SDK2: variants seen among roughly 807,000 people sequenced by gnomAD.
The protein encoded by SDK2 is protein sidekick-2.
Under a neutral mutation model 253.9 loss-of-function variants are expected in SDK2, and 105 were observed. The observed-to-expected ratio is 0.41, with a 90% CI of 0.35 to 0.49. The LOEUF is 0.49. Ranked by LOEUF, SDK2 falls within the 20% of genes least tolerant of loss-of-function variation. The pLI, the probability that SDK2 is intolerant of heterozygous loss-of-function variation, is 0.06. For missense variants in SDK2, 2,608 were observed against 3,003.0 expected, an observed-to-expected ratio of 0.87 and a Z score of 3.07; for synonymous variants, 1,249 against 1,234.9, an observed-to-expected ratio of 1.01 and a Z score of -0.24.
Position 73,472,191 on chromosome 17 carries a change from G to C in SDK2, c.252C>G (p.Thr84=), listed in dbSNP as rs747733284. 7.1e-6 allele frequency: 11 copies of C among 1,551,592 alleles called. No individual in the cohort carries two copies. The highest frequency in any genetic ancestry group is 9.6e-6 in the Non-Finnish European group (11 of 1,147,006). Residue 84 remains threonine, a synonymous_variant, in exon 3 of 45, where the codon ACC becomes ACG. Coordinates refer to ENST00000392650, the MANE Select transcript of SDK2 (RefSeq NM_001144952.2). Reference sequence around the variant, plus strand: ...CGATGCAACGGTAAAAGCCAGCGTGGGTGCGGTCCAGGCTGGTGATCATGT... The same window carrying C: ...CGATGCAACGGTAAAAGCCAGCGTGCGTGCGGTCCAGGCTGGTGATCATGT... ...YRYMITSLDR[T]HAGFYRCIVR...
In SDK2 at chr17:73,577,149, TC is replaced by T. The variant is rs1475913873; in HGVS notation, c.64+66875del. On this transcript the variant is annotated intron_variant, in intron 1 of 44. Transcript: ENST00000392650. The stretch of plus-strand genomic sequence containing the variant: ...TTGGAATGACTGTCCTGGAAGCAGA[TC>T]CTTGGACCTGAAATCCGGGTCCAGA... 3.3e-5 allele frequency among the ~76,000 whole-genome samples: 5 copies of T among 152,258 alleles called. 1 individual carries two copies. The highest frequency in any genetic ancestry group is 1.2e-4 in the African/African-American group (5 of 41,542).
Position 73,430,573 on chromosome 17 carries a change from G to A in SDK2, c.1521C>T (p.Val507=). 3.8e-6 allele frequency: 6 copies of A among 1,596,236 alleles called. No homozygotes were observed. Among genetic ancestry groups the A allele is most frequent in the Non-Finnish European group, 5.1e-6 (6 of 1,171,094 alleles). ...RITKPPQDQS[V]IKGTQASMVC... ...CCATGGAGGCCTGGGTGCCCTTGAT[G>A]ACACTCTGATCCTGGGGGGGCTTGG... Residue 507 remains valine (V), a synonymous_variant, in exon 12 of 45, where the codon GTC becomes GTT. Coordinates refer to ENST00000392650, the MANE Select transcript of SDK2 (RefSeq NM_001144952.2).
In SDK2 at chr17:73,365,356, G is replaced by A; in HGVS notation, c.5207C>T (p.Thr1736Ile). 1 of 1,612,468 alleles carries A rather than the reference G, an allele frequency of 6.2e-7. No homozygotes were observed. The highest frequency in any genetic ancestry group is 8.5e-7 in the Non-Finnish European group (1 of 1,179,288). ...CCAGGACACATTCACTGAGGTTGTG[G>A]TCAGCTCACTGAACTTGACCGAGCT... is the stretch of plus-strand genomic sequence containing the variant. ...APSSVKFSELTTTSVNVSWEA... is the reference protein window; with the variant it reads ...APSSVKFSELITTSVNVSWEA... Residue 1736 changes from threonine (T) to isoleucine (I), a missense_variant, in exon 38 of 45, where the codon ACC becomes ATC. Transcript: ENST00000392650.
intron 1 of SDK2, among the ~76,000 whole-genome samples, chr17:73,574,787 T>A (rs888195634): frequency 1.3e-5 from 2 of 152,236 alleles, no homozygotes; most frequent in African/African-American, 2.4e-5. Flanking sequence ...ATGCTCCTGG[T>A]AATAATGACC....
chr17:73,539,271 G>A (rs2044827437), intron 1 of SDK2, among the ~76,000 whole-genome samples: 1 of 152,068 alleles, frequency 6.6e-6, no homozygotes, highest in African/African-American at 2.4e-5. Context: ...CCCTTAAAGT[G>A]AAAAAACAAC....
intron 5 of SDK2, among the ~76,000 whole-genome samples, chr17:73,446,358 A>G (rs1160346422): frequency 6.6e-6 from 1 of 152,220 alleles, no homozygotes; most frequent in East Asian, 1.9e-4. Context: ...TTACACCCTC[A>G]ACCCTGACGG....
chr17:73,484,454 G>C (rs2063757780), intron 2 of SDK2, among the ~76,000 whole-genome samples: 1 of 152,212 alleles, frequency 6.6e-6, no homozygotes, highest in Non-Finnish European at 1.5e-5. Flanking sequence ...AATGCACAGT[G>C]GTGCTGGCTG....
At chr17:73,355,284 C>T (rs931825967) in intron 40 of SDK2, among the ~76,000 whole-genome samples, 1 of 147,520 alleles carries the variant, frequency 6.8e-6, no homozygotes, top group African/African-American at 2.5e-5. Context: ...AAGAGATTCT[C>T]CTCCTACCTC....
chr17:73,594,267 C>T (rs1439026743), intron 1 of SDK2, among the ~76,000 whole-genome samples: 1 of 152,130 alleles, frequency 6.6e-6, no homozygotes, highest in African/African-American at 2.4e-5. Flanking sequence ...CGACCCTTGA[C>T]CCCCTCAGGC....
rs896156527 is a variant in SDK2 at position 73,570,365 on chromosome 17, G to A, written c.65-62768C>T. Among the ~76,000 whole-genome samples, 10 of 152,206 alleles carry A rather than the reference G, an allele frequency of 6.6e-5. No homozygotes were observed. The highest frequency in any genetic ancestry group is 2.4e-4 in the African/African-American group (10 of 41,452). Reference sequence around the variant, plus strand: ...CTCTGTTTTCTCAAATCGCAGCAGAGCATATGCTCAATAAAGAGCCTCCAG... The same window carrying A: ...CTCTGTTTTCTCAAATCGCAGCAGAACATATGCTCAATAAAGAGCCTCCAG... On this transcript the variant is annotated intron_variant, in intron 1 of 44. Coordinates refer to ENST00000392650, the MANE Select transcript of SDK2 (RefSeq NM_001144952.2). This position sits in a 1 kb window ranked among gnomAD's most constrained non-coding sequence, Gnocchi z 4.2.
intron 2 of SDK2, among the ~76,000 whole-genome samples, chr17:73,504,877 G>T (rs2063922958): frequency 6.6e-6 from 1 of 152,246 alleles, no homozygotes; most frequent in African/African-American, 2.4e-5. Context: ...GAGCAGATCA[G>T]GAAGAGTTCT....
At chr17:73,606,048 C>T (rs1226976249) in intron 1 of SDK2, among the ~76,000 whole-genome samples, 1 of 151,952 alleles carries the variant, frequency 6.6e-6, no homozygotes, top group African/African-American at 2.4e-5. Flanking sequence ...TGTTGACGTG[C>T]TGATGGGATC....
chr17:73,624,470 C>G (rs2046176110), intron 1 of SDK2, among the ~76,000 whole-genome samples: 1 of 152,174 alleles, frequency 6.6e-6, no homozygotes, highest in African/African-American at 2.4e-5. Context: ...CCATTGCACT[C>G]TAGAGAGACT....
intron 2 of SDK2, among the ~76,000 whole-genome samples, chr17:73,489,187 A>G (rs972997398): frequency 8.5e-5 from 13 of 152,168 alleles, no homozygotes; most frequent in African/African-American, 3.1e-4. Context: ...CTGCTGCCAC[A>G]CTTGGCTTAG....
intron 1 of SDK2, among the ~76,000 whole-genome samples, chr17:73,615,528 A>G (rs2143159090): frequency 6.6e-6 from 1 of 152,318 alleles, no homozygotes; most frequent in African/African-American, 2.4e-5. Context: ...TGTTCGGCTC[A>G]CCAAAAAGAA....
intron 44 of SDK2, among the ~76,000 whole-genome samples, chr17:73,340,360 C>A (rs1238764309): frequency 6.6e-6 from 1 of 152,218 alleles, no homozygotes; most frequent in African/African-American, 2.4e-5. Flanking sequence ...CTGCCCCTAC[C>A]GGTCACTCCC....
intron 5 of SDK2, among the ~76,000 whole-genome samples, chr17:73,444,727 A>G (rs1043785018): frequency 2.0e-5 from 3 of 152,106 alleles, no homozygotes; most frequent in Non-Finnish European, 4.4e-5. Context: ...CAGTTTACAG[A>G]TGGGGAAACT....
At chr17:73,587,758 C>A (rs2045622011) in intron 1 of SDK2, among the ~76,000 whole-genome samples, 1 of 152,242 alleles carries the variant, frequency 6.6e-6, no homozygotes, top group African/African-American at 2.4e-5. Context: ...TTCTCTGGAT[C>A]TGGCTCATTA....
rs2063458855 is a variant in SDK2 at position 73,447,231 on chromosome 17, C to A, written c.613+384G>T. Reference sequence around the variant, plus strand: ...ATATTTCTGTAAAAACAAGCTTCAGCCCTGCAATCACCCACATGCCCTCCT... The same window carrying A: ...ATATTTCTGTAAAAACAAGCTTCAGACCTGCAATCACCCACATGCCCTCCT... On this transcript the variant is annotated intron_variant, in intron 5 of 44. Coordinates refer to ENST00000392650, the MANE Select transcript of SDK2 (RefSeq NM_001144952.2). This position sits in a 1 kb window ranked among gnomAD's most constrained non-coding sequence, Gnocchi z 4.0. 6.6e-6 allele frequency among the ~76,000 whole-genome samples: 1 copy of A among 152,146 alleles called. No individual in the cohort carries two copies. The highest frequency in any genetic ancestry group is 2.1e-4 in the South Asian group (1 of 4,824).
Sources: allele counts gnomAD v4.1 joint callset (sites outside exome capture counted in the v4.1 genomes callset), GRCh38; gene constraint gnomAD v4.1.1; non-coding constraint Gnocchi (gnomAD v3.1); transcripts MANE v1.5; gene names NCBI Gene and HGNC (gene_info 2026-07-23, HGNC 2026-07-21).